EIF2B2: variants seen among roughly 807,000 people sequenced by gnomAD.
EIF2B2 encodes eukaryotic translation initiation factor 2B subunit beta, also known as translation initiation factor eIF2B subunit beta.
Under a neutral mutation model 34.7 loss-of-function variants are expected in EIF2B2, and 34 were observed. That is an observed-to-expected ratio of 0.98 (90% CI 0.75 to 1.31). The LOEUF (loss-of-function observed/expected upper bound fraction) is 1.31, where lower values mean the gene tolerates loss of function less well. Among genes scored for constraint, EIF2B2 ranks in the 50% most tolerant of loss-of-function variants. The pLI is 0.00. For missense variants in EIF2B2, 361 were observed against 447.7 expected, an observed-to-expected ratio of 0.81 and a Z score of 1.75; for synonymous variants, 155 against 171.6, an observed-to-expected ratio of 0.90 and a Z score of 0.76.
intron 7 of EIF2B2, 80 bp from the exon 8 acceptor site, chr14:75,008,951 C>T (rs987950473): frequency 3.8e-6 from 6 of 1,594,848 alleles, no homozygotes; most frequent in Admixed American, 1.7e-5. Flanking sequence ...CCTGCATTCT[C>T]GAGCCTGGAA....
In EIF2B2 at chr14:75,004,682, TA is replaced by T. The variant is rs1889593584; in HGVS notation, c.434-54del. 26 of 178,996 alleles carry T rather than the reference TA, an allele frequency of 1.5e-4. 7 individuals are homozygous for T. The Admixed American group carries it at 1.6e-3, about 11-fold the overall frequency. 11.1% of individuals were successfully genotyped at this position (178,996 alleles called of 1,614,324 possible). ...TAGCAATTTCATATATATATATATATATATATATTTTTTTTTTTTTTTTTTT... is the reference window on the plus strand; with the variant it reads ...TAGCAATTTCATATATATATATATATTATATATTTTTTTTTTTTTTTTTTT... On this transcript the variant is annotated intron_variant, in intron 3 of 7. Transcript: ENST00000266126.
In EIF2B2 at chr14:75,002,979, G is replaced by T. The variant is rs199626686; in HGVS notation, c.-12G>T. ...ATTCCGCCGGTGAAGGCTGAAGGCA[G>T]CTACCTTAAAGATGCCGGGATCCGC... On this transcript the variant is annotated 5_prime_UTR_variant, in exon 1 of 8. Transcript: ENST00000266126. The T allele has an allele frequency of 1.2e-4, 200 of 1,614,000 alleles. No individual in the cohort carries two copies. The African/African-American group carries it at 2.4e-3, about 20-fold the overall frequency.
intron 6 of EIF2B2, chr14:75,007,270 C>A: frequency 2.8e-6 from 1 of 359,316 alleles, no homozygotes; most frequent in Non-Finnish European, 5.4e-6. Flanking sequence ...AACCACCACT[C>A]TCTAGTTTCA....
chr14:75,005,471 C>G (rs911858234), intron 4 of EIF2B2, among the ~76,000 whole-genome samples: 3 of 151,988 alleles, frequency 2.0e-5, no homozygotes, highest in African/African-American at 7.3e-5. Context: ...TTGGGGATGA[C>G]TAATGCTTGG....
At chr14:75,007,856 T>C in intron 7 of EIF2B2, 68 bp downstream of exon 7, 5 of 1,512,768 alleles carry the variant, frequency 3.3e-6, no homozygotes, top group Non-Finnish European at 4.6e-6. Context: ...GCATGTGTTT[T>C]GGTCTTTTTG....
chr14:75,007,494 C>T, intron 6 of EIF2B2: 1 of 436,076 alleles, frequency 2.3e-6, no homozygotes, highest in Non-Finnish European at 4.2e-6. Flanking sequence ...TCAGAATTTC[C>T]TTTCGAGGCT....
chr14:75,009,323 G>T lies in EIF2B2; in HGVS notation c.*135G>T, dbSNP rs1340179237. On this transcript the variant is annotated 3_prime_UTR_variant, in exon 8 of 8. Transcript: ENST00000266126. ...ACCTAAAAAAAAAATCCTTGATACT[G>T]TTGCCTGCCTTTTTAGTCACCCCGT... 8 of 1,092,312 alleles carry T rather than the reference G, an allele frequency of 7.3e-6. No homozygotes were observed. Among genetic ancestry groups the T allele is most frequent in the Non-Finnish European group, 1.1e-5 (8 of 722,576 alleles). The allele number at this position is 1,092,312 out of a possible 1,614,324, so 67.7% of individuals were successfully genotyped here.
Position 75,003,057 on chromosome 14 carries a change from A to T in EIF2B2, c.67A>T (p.Lys23Ter), listed in dbSNP as rs772748876. 1 of 1,614,060 alleles carries T rather than the reference A, an allele frequency of 6.2e-7. No individual in the cohort carries two copies. Among genetic ancestry groups the T allele is most frequent in the Non-Finnish European group, 8.5e-7 (1 of 1,179,986 alleles). ...ERIESFVETLKRGGGPRSSEE... is the reference protein window; with the variant it reads ...ERIESFVETL ...GATCGAGAGCTTCGTGGAGACCCTG[A>T]AGCGGGGTGGTGGGCCGCGCAGCTC... is the stretch of plus-strand genomic sequence containing the variant. The change falls in exon 1 of 8, where the codon AAG (lysine) becomes TAG (stop). Residue 23 changes from lysine to a stop codon, truncating the protein, a stop_gained. Coordinates refer to ENST00000266126, the MANE Select transcript of EIF2B2 (RefSeq NM_014239.4). LOFTEE classifies it high-confidence loss of function.
In EIF2B2 at chr14:75,011,450, C is replaced by A. The variant is rs1889702989; in HGVS notation, c.*2262C>A. 1 of 152,200 alleles carries A rather than the reference C, an allele frequency of 6.6e-6. No individual in the cohort carries two copies. The highest frequency in any genetic ancestry group is 2.4e-5 in the African/African-American group (1 of 41,436). 9.4% of individuals were successfully genotyped at this position (152,200 alleles called of 1,614,324 possible). A position where few individuals can be genotyped will look rare whatever the true frequency, so the allele number is the denominator to read the frequency against. On this transcript the variant is annotated 3_prime_UTR_variant, in exon 8 of 8. Transcript: ENST00000266126. ...GAGCACTAAGAATCTGCATGTTTAA[C>A]AAATAGCCTGTGGGCTTTGAACAGG...
intron 3 of EIF2B2, among the ~76,000 whole-genome samples, 161 bp downstream of exon 3, chr14:75,003,860 G>C (rs562944339): frequency 5.1e-4 from 78 of 152,334 alleles, no homozygotes; most frequent in Non-Finnish European, 8.2e-4. Context: ...ACAGGTGACA[G>C]GACCAAAGTA....
Position 75,006,476 on chromosome 14 carries a change from C to T in EIF2B2, c.694-101C>T, listed in dbSNP as rs114041397. On this transcript the variant is annotated intron_variant, in intron 5 of 7. Transcript: ENST00000266126. The surrounding 1 kb of genome is among the most constrained non-coding windows in gnomAD (Gnocchi z 4.1). ...ACCTCTACCAGTCTGTGACCCCTCA[C>T]GATACCAATTCTGAGGTCTAAGCAT... is the stretch of plus-strand genomic sequence containing the variant. 1,117 of 1,549,042 alleles carry T rather than the reference C, an allele frequency of 7.2e-4. 8 individuals are homozygous for T. In the African/African-American group the frequency reaches 0.013, roughly 19 times the overall value.
Position 75,003,601 on chromosome 14 carries a change from TG to T in EIF2B2, c.336del (p.Leu113Ter). Reference protein sequence around the residue: ...ESDQQESLHKLLTSGGLNEDF... With the variant: ...ESDQQESLHKXLTSGGLNEDF... ...GATCAGCAGGAGTCCCTGCACAAAC[TG>T]TTGACATCCGGAGGCCTAAACGAGG... On this transcript the variant is annotated frameshift_variant, in exon 3 of 8. Coordinates refer to ENST00000266126, the MANE Select transcript of EIF2B2 (RefSeq NM_014239.4). LOFTEE classifies it high-confidence loss of function. 6.2e-7 allele frequency: 1 copy of T among 1,614,190 alleles called. No individual in the cohort carries two copies. The highest frequency in any genetic ancestry group is 8.5e-7 in the Non-Finnish European group (1 of 1,180,024).
rs1324187167 is a variant in EIF2B2 at position 75,009,372 on chromosome 14, GTGTC to G, written c.*186_*189del. On this transcript the variant is annotated 3_prime_UTR_variant, in exon 8 of 8. Coordinates refer to ENST00000266126, the MANE Select transcript of EIF2B2 (RefSeq NM_014239.4). Reference sequence around the variant, plus strand: ...GTAACAAGGGCACACATCCAGGACTGTGTCTTGCCTTTCAGATCTTAACAGAGCA... The same window carrying G: ...GTAACAAGGGCACACATCCAGGACTGTTGCCTTTCAGATCTTAACAGAGCA... 2 of 664,240 alleles carry G rather than the reference GTGTC, an allele frequency of 3.0e-6. No individual in the cohort carries two copies. The highest frequency in any genetic ancestry group is 3.6e-5 in the African/African-American group (2 of 56,248). The allele number at this position is 664,240 out of a possible 1,614,324, so 41.1% of individuals were successfully genotyped here.
At chr14:75,007,921 T>C (rs1373933288) in intron 7 of EIF2B2, 133 bp downstream of exon 7, 1 of 838,756 alleles carries the variant, frequency 1.2e-6, no homozygotes, top group Non-Finnish European at 1.9e-6. Context: ...TTTATCATAC[T>C]TCTTGTGGGG....
In EIF2B2 at chr14:75,006,465, G is replaced by A. The variant is rs1345082371; in HGVS notation, c.694-112G>A. 6.7e-7 allele frequency: 1 copy of A among 1,484,212 alleles called. No homozygotes were observed. The highest frequency in any genetic ancestry group is 9.2e-7 in the Non-Finnish European group (1 of 1,082,278). The allele number at this position is 1,484,212 out of a possible 1,614,324, so 91.9% of individuals were successfully genotyped here. A position where few individuals can be genotyped will look rare whatever the true frequency, so the allele number is the denominator to read the frequency against. ...GGGATCCCTTCACCTCTACCAGTCT[G>A]TGACCCCTCACGATACCAATTCTGA... On this transcript the variant is annotated intron_variant, in intron 5 of 7. Transcript: ENST00000266126. The surrounding 1 kb of genome is among the most constrained non-coding windows in gnomAD (Gnocchi z 4.1).
In EIF2B2 at chr14:75,006,605, C is replaced by T; in HGVS notation, c.722C>T (p.Ala241Val). 1 of 1,614,158 alleles carries T rather than the reference C, an allele frequency of 6.2e-7. No individual in the cohort carries two copies. ...KVIIGTKTIL[A>V]NGALRAVTGT... ...ATCATTGGCACGAAGACCATCCTGGCCAATGGGGCCCTGAGAGCTGTGACA... is the reference window on the plus strand; with the variant it reads ...ATCATTGGCACGAAGACCATCCTGGTCAATGGGGCCCTGAGAGCTGTGACA... Residue 241 changes from alanine (A) to valine (V), a missense_variant, in exon 6 of 8, where the codon GCC (alanine) becomes GTC (valine). Ala to Val is a moderately conservative substitution (Grantham distance 64). Coordinates refer to ENST00000266126, the MANE Select transcript of EIF2B2 (RefSeq NM_014239.4). This position sits in a 1 kb window ranked among gnomAD's most constrained non-coding sequence, Gnocchi z 4.1.
chr14:75,007,691 C>A (rs1388048767), intron 6 of EIF2B2, 31 bp from the exon 7 acceptor site: 1 of 1,585,042 alleles, frequency 6.3e-7, no homozygotes, highest in South Asian at 1.1e-5. Context: ...ATTGCTGGGT[C>A]TCTAGTTTTT....
chr14:75,007,851 T>C, intron 7 of EIF2B2, 63 bp downstream of exon 7: 8 of 1,534,834 alleles, frequency 5.2e-6, no homozygotes, highest in Non-Finnish European at 6.3e-6. Context: ...TGTGTGCATG[T>C]GTTTTGGTCT....
rs1332561678 is a variant in EIF2B2, at chr14:75,009,097, C to T, written c.965C>T (p.Thr322Ile). Reference sequence around the variant, plus strand: ...GACTACGTTCCCCCAGAGCTCATTACCCTCTTTATCTCCAACATTGGTGGG... The same window carrying T: ...GACTACGTTCCCCCAGAGCTCATTATCCTCTTTATCTCCAACATTGGTGGG... Reference protein sequence around the residue: ...VFDYVPPELITLFISNIGGNA... With the variant: ...VFDYVPPELIILFISNIGGNA... The change falls in exon 8 of 8, where the codon ACC (threonine) becomes ATC (isoleucine). Residue 322 changes from threonine (T) to isoleucine (I), a missense_variant. Coordinates refer to ENST00000266126, the MANE Select transcript of EIF2B2 (RefSeq NM_014239.4). 5 of 1,613,968 alleles carry T rather than the reference C, an allele frequency of 3.1e-6. No homozygotes were observed. Among genetic ancestry groups the T allele is most frequent in the Non-Finnish European group, 4.2e-6 (5 of 1,180,006 alleles).
Sources: allele counts gnomAD v4.1 joint callset (sites outside exome capture counted in the v4.1 genomes callset), GRCh38; gene constraint gnomAD v4.1.1; non-coding constraint Gnocchi (gnomAD v3.1); transcripts MANE v1.5; gene names NCBI Gene and HGNC (gene_info 2026-07-23, HGNC 2026-07-21).